CCDC141: variants seen among roughly 807,000 people sequenced by gnomAD.
CCDC141 encodes the protein coiled-coil domain-containing protein 141.
A neutral mutation model predicts 181.0 loss-of-function variants in CCDC141; 168 were observed. The ratio of observed to expected loss-of-function variants is 0.93; its 90% CI spans 0.82 to 1.05. CCDC141 has a LOEUF of 1.05. Among genes scored for constraint, CCDC141 ranks in the 50% least tolerant of loss-of-function variants. CCDC141 has a pLI of 0.00. For missense variants in CCDC141, 1,902 were observed against 1,788.5 expected (o/e 1.06, Z -1.14); for synonymous variants, 666 against 642.3 (o/e 1.04, Z -0.56).
In CCDC141 at chr2:178,837,283, T is replaced by C. The variant is rs371380882; in HGVS notation, c.3936A>G (p.Leu1312=). Residue 1312 remains leucine, a synonymous_variant, in exon 23 of 24, where the codon TTA becomes TTG. Transcript: ENST00000443758. ...CTGGATGTTCAGCACTGATTCTGTG[T>C]AAGGCAGTACTCTTTTCCACGAATC... ...SRGFVEKSTA[L]HRISAEHPES... 6.2e-7 allele frequency: 1 copy of C among 1,614,144 alleles called. No homozygotes were observed. Among genetic ancestry groups the C allele is most frequent in the South Asian group, 1.1e-5 (1 of 91,084 alleles).
At chr2:178,934,145 G>A (rs1689199582) in intron 6 of CCDC141, among the ~76,000 whole-genome samples, 1 of 152,030 alleles carries the variant, frequency 6.6e-6, no homozygotes, top group African/African-American at 2.4e-5. Context: ...AGCCAGAGTT[G>A]AGAAACACTA....
At chr2:178,975,201 T>A in intron 3 of CCDC141, 36 bp from the exon 4 acceptor site, 2 of 1,152,284 alleles carry the variant, frequency 1.7e-6, no homozygotes, top group Non-Finnish European at 1.2e-6. Flanking sequence ...CATTTGACAT[T>A]TGTATAAAAA....
chr2:178,844,754 G>A (rs369720493), intron 22 of CCDC141, among the ~76,000 whole-genome samples: 1 of 152,056 alleles, frequency 6.6e-6, no homozygotes, highest in East Asian at 1.9e-4. Context: ...CAAATGGAGA[G>A]GGTTTTTGTT....
chr2:179,049,771 T>C (rs914224663), intron 1 of CCDC141, 69 bp downstream of exon 1: 8 of 1,508,142 alleles, frequency 5.3e-6, no homozygotes, highest in Non-Finnish European at 7.2e-6. Flanking sequence ...GCATGGAATG[T>C]TCTTTAGGGT....
intron 7 of CCDC141, among the ~76,000 whole-genome samples, chr2:178,908,584 T>C (rs1363907862): frequency 6.6e-6 from 1 of 152,346 alleles, no homozygotes; most frequent in Non-Finnish European, 1.5e-5. Context: ...AAGTTTAATA[T>C]ATGTGAATTA....
intron 6 of CCDC141, among the ~76,000 whole-genome samples, chr2:178,940,961 A>T (rs1288530911): frequency 6.6e-6 from 1 of 152,228 alleles, no homozygotes; most frequent in African/African-American, 2.4e-5. Context: ...TTTTGAGGTC[A>T]TCTAGGCCTA....
Position 178,837,406 on chromosome 2 carries a change from G to A in CCDC141, c.3813C>T (p.Ala1271=), listed in dbSNP as rs1230049788. 3 of 1,614,128 alleles carry A rather than the reference G, an allele frequency of 1.9e-6. No homozygotes were observed. Among genetic ancestry groups the A allele is most frequent in the Non-Finnish European group, 8.5e-7 (1 of 1,180,002 alleles). The change falls in exon 23 of 24, where the codon GCC becomes GCT. Residue 1271 remains alanine, a synonymous_variant. Transcript: ENST00000443758. The stretch of plus-strand genomic sequence containing the variant: ...TCTTATCATTGCATGCATCCGCAAA[G>A]GCAACAGGTGGTGGAAGAACAGATT... The part of the protein sequence containing the change: ...AQESVLPPPV[A]FADACNDKRE...
At chr2:178,975,490 T>C (rs1363590441) in intron 3 of CCDC141, among the ~76,000 whole-genome samples, 1 of 152,132 alleles carries the variant, frequency 6.6e-6, no homozygotes, top group Non-Finnish European at 1.5e-5. Context: ...TAGTGTCCTA[T>C]GTATACAGTC....
intron 22 of CCDC141, among the ~76,000 whole-genome samples, chr2:178,840,646 G>A (rs1242295408): frequency 6.6e-6 from 1 of 152,118 alleles, no homozygotes; most frequent in African/African-American, 2.4e-5. Context: ...TCGTCTAGAT[G>A]GGCACCCAAG....
At position 178,982,001 on chromosome 2, in the gene CCDC141, G is replaced by C. The variant is rs951578551; in HGVS notation, c.226-3326C>G. Among the ~76,000 whole-genome samples the C allele has an allele frequency of 1.3e-5, 2 of 151,736 alleles. 1 individual carries two copies. The highest frequency in any genetic ancestry group is 1.3e-4 in the Admixed American group (2 of 15,242). ...CCATGGATATTAAAAGGATAAAAAG[G>C]AATACTATAAATGGCTCTATGTCCA... On this transcript the variant is annotated intron_variant, in intron 2 of 23. Coordinates refer to ENST00000443758, the MANE Select transcript of CCDC141 (RefSeq NM_173648.4).
intron 2 of CCDC141, among the ~76,000 whole-genome samples, chr2:178,987,781 A>T (rs1051839927): frequency 6.0e-5 from 9 of 150,144 alleles, no homozygotes; most frequent in African/African-American, 2.0e-4. Flanking sequence ...ACCATCTCAC[A>T]CCAGTTAGAA....
At chr2:178,893,609 G>A (rs1445173543) in intron 8 of CCDC141, among the ~76,000 whole-genome samples, 1 of 152,090 alleles carries the variant, frequency 6.6e-6, no homozygotes, top group Non-Finnish European at 1.5e-5. Context: ...GGAACCCGAA[G>A]AGTGTCTTTT....
At chr2:179,004,550 T>A (rs1240681950) in intron 2 of CCDC141, among the ~76,000 whole-genome samples, 1 of 152,194 alleles carries the variant, frequency 6.6e-6, no homozygotes, top group Non-Finnish European at 1.5e-5. Flanking sequence ...AATTTGATTC[T>A]AATTCTACTG....
At chr2:179,044,343 A>G (rs1388671104) in intron 2 of CCDC141, among the ~76,000 whole-genome samples, 1 of 152,228 alleles carries the variant, frequency 6.6e-6, no homozygotes, top group East Asian at 1.9e-4. Context: ...GAGCCCGAAT[A>G]GCCAAGGCAA....
At chr2:179,040,575 C>T (rs1486124278) in intron 2 of CCDC141, among the ~76,000 whole-genome samples, 1 of 152,136 alleles carries the variant, frequency 6.6e-6, no homozygotes, top group Non-Finnish European at 1.5e-5. Flanking sequence ...TGTTGTTCCC[C>T]CAACTGTGTC....
At chr2:178,994,990 G>A (rs957300874) in intron 2 of CCDC141, among the ~76,000 whole-genome samples, 1 of 152,168 alleles carries the variant, frequency 6.6e-6, no homozygotes, top group African/African-American at 2.4e-5. Context: ...TTTGGGCAAA[G>A]CCATTCAACT....
chr2:178,923,973 T>G (rs1035566792), intron 6 of CCDC141, among the ~76,000 whole-genome samples: 6 of 152,170 alleles, frequency 3.9e-5, no homozygotes. Flanking sequence ...GCATAACAAT[T>G]ATCCAGCAAG....
intron 3 of CCDC141, among the ~76,000 whole-genome samples, chr2:178,975,590 C>T (rs181650497): frequency 6.6e-6 from 1 of 152,188 alleles, no homozygotes; most frequent in East Asian, 1.9e-4. Flanking sequence ...GCAGTCTATA[C>T]ATTTACAAGT....
rs539813249 is a variant in CCDC141, at chr2:178,964,315, G to A, written c.527-2832C>T. On this transcript the variant is annotated intron_variant, in intron 4 of 23. Transcript: ENST00000443758. ...CACGAGAAGTTTGGGAAGGCAACAG[G>A]GTCTCCACAGGGTTTCCTTCCTCTA... Among the ~76,000 whole-genome samples the A allele has an allele frequency of 1.2e-4, 18 of 152,114 alleles. No homozygotes were observed. The South Asian group carries it at 3.7e-3, about 32-fold the overall frequency.
Sources: gnomAD v4.1 joint callset for allele counts (sites outside exome capture counted in the v4.1 genomes callset) on GRCh38, gnomAD v4.1.1 for gene constraint, MANE v1.5 for transcripts, NCBI Gene and HGNC (gene_info 2026-07-23, HGNC 2026-07-21) for gene names.